LIMK1: variants seen among roughly 807,000 people sequenced by gnomAD.
LIMK1 encodes LIM domain kinase 1.
A neutral mutation model predicts 77.6 loss-of-function variants in LIMK1; 21 were observed. That is an observed-to-expected ratio of 0.27 (90% CI 0.19 to 0.39). LIMK1 has a LOEUF of 0.39. Among genes scored for constraint, LIMK1 ranks in the 10% least tolerant of loss-of-function variants. The probability of loss-of-function intolerance (pLI) is 1.00; values close to 1 mark genes in which losing one functional copy is unlikely to be tolerated. For missense variants in LIMK1, 696 were observed against 901.6 expected, an observed-to-expected ratio of 0.77 and a Z score of 2.92; for synonymous variants, 358 against 370.0, an observed-to-expected ratio of 0.97 and a Z score of 0.37.
chr7:74,091,251 T>C (rs1799228823), intron 2 of LIMK1, among the ~76,000 whole-genome samples: 1 of 151,498 alleles, frequency 6.6e-6, no homozygotes, highest in African/African-American at 2.4e-5. Flanking sequence ...AGGCCAAGGC[T>C]GGTAACTCAC....
Position 74,096,840 on chromosome 7 carries a change from A to G in LIMK1, c.291+80A>G, listed in dbSNP as rs530426233. ...CCATGCTCCAGGTCTCTCTCCCATC[A>G]TTGTCTCTCCTGGTCTCCTTTTTGC... is the stretch of plus-strand genomic sequence containing the variant. On this transcript the variant is annotated intron_variant, in intron 3 of 15. Coordinates refer to ENST00000336180, the MANE Select transcript of LIMK1 (RefSeq NM_002314.4). 52 of 1,491,050 alleles carry G rather than the reference A, an allele frequency of 3.5e-5. 1 individual carries two copies. The East Asian group carries it at 9.6e-4, about 28-fold the overall frequency. 92.4% of individuals were successfully genotyped at this position (1,491,050 alleles called of 1,614,324 possible).
intron 12 of LIMK1, among the ~76,000 whole-genome samples, chr7:74,113,519 G>A (rs1554698931): frequency 6.6e-6 from 1 of 152,040 alleles, no homozygotes; most frequent in African/African-American, 2.4e-5. Context: ...CAGCTACTCG[G>A]GAGGCTGAGG....
At chr7:74,098,150 T>G (rs1353087260) in intron 4 of LIMK1, among the ~76,000 whole-genome samples, 1 of 152,190 alleles carries the variant, frequency 6.6e-6, no homozygotes, top group African/African-American at 2.4e-5. Flanking sequence ...TAGCCCCCGT[T>G]CTTGGAGGTC....
chr7:74,090,929 T>C (rs1393102345), intron 2 of LIMK1, among the ~76,000 whole-genome samples: 2 of 151,548 alleles, frequency 1.3e-5, no homozygotes, highest in African/African-American at 2.4e-5. Context: ...TTAAAGCGAT[T>C]TTTTTTTTGA....
intron 3 of LIMK1, 106 bp from the exon 4 acceptor site, chr7:74,096,974 C>G (rs879980567): frequency 9.4e-5 from 101 of 1,072,886 alleles, no homozygotes; most frequent in Non-Finnish European, 1.3e-4. Context: ...AGCCGGGTCC[C>G]TGCAGTTGTT....
chr7:74,102,330 A>G (rs565628373), intron 5 of LIMK1, among the ~76,000 whole-genome samples: 2 of 151,906 alleles, frequency 1.3e-5, no homozygotes, highest in African/African-American at 4.8e-5. Context: ...CTATATATAC[A>G]TATATGGATA....
rs1005961859 is a variant in LIMK1, at chr7:74,111,528, G to A, written c.1285-120G>A. 4.0e-5 allele frequency: 30 copies of A among 753,686 alleles called. No homozygotes were observed. The East Asian group carries it at 6.4e-4, about 16-fold the overall frequency. The allele number at this position is 753,686 out of a possible 1,614,324, so 46.7% of individuals were successfully genotyped here. ...GTTGTGGGTGCCCGAAGAAATCGGG[G>A]TGTTGGGGAGCCCAGGGACCCTCTA... is the stretch of plus-strand genomic sequence containing the variant. On this transcript the variant is annotated intron_variant, in intron 10 of 15. Coordinates refer to ENST00000336180, the MANE Select transcript of LIMK1 (RefSeq NM_002314.4).
At chr7:74,100,011 A>G (rs1799422969) in intron 5 of LIMK1, among the ~76,000 whole-genome samples, 1 of 152,100 alleles carries the variant, frequency 6.6e-6, no homozygotes, top group South Asian at 2.1e-4. Flanking sequence ...CACTGAACAC[A>G]TAAAGGCTGG....
At chr7:74,093,310 A>G in intron 2 of LIMK1, 1 of 1,535,814 alleles carries the variant, frequency 6.5e-7, no homozygotes, top group Non-Finnish European at 8.7e-7. Context: ...GTAAGTGGGA[A>G]TCCCCCTCCC....
Position 74,105,985 on chromosome 7 carries a change from G to T in LIMK1, c.714+5G>T, listed in dbSNP as rs782773168. 1 of 1,613,798 alleles carries T rather than the reference G, an allele frequency of 6.2e-7. No individual in the cohort carries two copies. The highest frequency in any genetic ancestry group is 8.5e-7 in the Non-Finnish European group (1 of 1,179,700). ...CGAAATGTGCCCCTGGACGAGGTAC[G>T]GTCCTGAGTCTGTGGGGCAGGACGG... On this transcript the variant is annotated splice_donor_5th_base_variant and intron_variant, in intron 6 of 15. Transcript: ENST00000336180.
At chr7:74,103,149 T>C (rs1799502507) in intron 5 of LIMK1, among the ~76,000 whole-genome samples, 1 of 152,148 alleles carries the variant, frequency 6.6e-6, no homozygotes, top group Non-Finnish European at 1.5e-5. Context: ...TTTACAGGCA[T>C]GAGCCACTGC....
intron 10 of LIMK1, 130 bp downstream of exon 10, chr7:74,109,166 T>C: frequency 2.7e-6 from 2 of 737,572 alleles, no homozygotes; most frequent in South Asian, 1.5e-5. Context: ...TGAACCCTGA[T>C]TCCTAATCAA....
chr7:74,118,681 C>T (rs1378693061), intron 13 of LIMK1, among the ~76,000 whole-genome samples: 1 of 151,752 alleles, frequency 6.6e-6, no homozygotes, highest in Non-Finnish European at 1.5e-5. Context: ...ACCCAGGAGG[C>T]AGAGGCAGGA....
chr7:74,116,497 C>T (rs1041546365), intron 13 of LIMK1, among the ~76,000 whole-genome samples: 12 of 152,060 alleles, frequency 7.9e-5, no homozygotes, highest in African/African-American at 4.8e-5. Context: ...TCAGCCTCAC[C>T]GGGCTGAAAT....
At position 74,121,340 on chromosome 7, in the gene LIMK1, G is replaced by A. The variant is rs1225636229; in HGVS notation, c.*39G>A. ...AGCTGCCCCTGTCCCCACCTCTGGA[G>A]AATCCACCCCCACCAGATTCCTCCG... is the stretch of plus-strand genomic sequence containing the variant. On this transcript the variant is annotated 3_prime_UTR_variant, in exon 16 of 16. Transcript: ENST00000336180. 3 of 1,512,830 alleles carry A rather than the reference G, an allele frequency of 2.0e-6. No individual in the cohort carries two copies. The highest frequency in any genetic ancestry group is 2.7e-6 in the Non-Finnish European group (3 of 1,129,284). 93.7% of individuals were successfully genotyped at this position (1,512,830 alleles called of 1,614,324 possible).
rs1366426624 is a variant in LIMK1 at position 74,107,927 on chromosome 7, C to T, written c.1122C>T (p.Asp374=). The T allele has an allele frequency of 4.4e-6, 7 of 1,575,502 alleles. No individual in the cohort carries two copies. The African/African-American group carries it at 5.4e-5, about 12-fold the overall frequency. ...VMVMKELIRF[D]EETQRTFLKE... is the part of the protein sequence containing the mutation. The stretch of plus-strand genomic sequence containing the variant: ...TGATGAAGGAGCTGATCCGGTTCGA[C>T]GAGGAGACCCAGAGGACGTTCCTCA... The change falls in exon 9 of 16, where the codon GAC becomes GAT. Residue 374 remains aspartate (D), a synonymous_variant. Transcript: ENST00000336180.
Position 74,109,024 on chromosome 7 carries a change from CAT to C in LIMK1, c.1273_1274del (p.Ile425GlnfsTer53). 1 of 1,613,266 alleles carries C rather than the reference CAT, an allele frequency of 6.2e-7. No homozygotes were observed. The highest frequency in any genetic ancestry group is 8.5e-7 in the Non-Finnish European group (1 of 1,179,608). On this transcript the variant is annotated frameshift_variant, in exon 10 of 16. Transcript: ENST00000336180. LOFTEE classifies it high-confidence loss of function. ...TCAAGGGCGGCACGCTCCGGGGCAT[CAT>C]CAAGAGCATGGTGAGTCCTGGGCAG... ...YIKGGTLRGI[I>X]KSMDSQYPWS...
chr7:74,093,087 T>C (rs1799268348), intron 2 of LIMK1: 6 of 1,400,618 alleles, frequency 4.3e-6, no homozygotes, highest in Non-Finnish European at 4.6e-6. Context: ...CCAAGTCCCC[T>C]GGCACCCACG....
intron 2 of LIMK1, among the ~76,000 whole-genome samples, chr7:74,096,118 C>T (rs972364761): frequency 2.0e-5 from 3 of 151,872 alleles, no homozygotes; most frequent in Non-Finnish European, 4.4e-5. Context: ...GTGCCCACCA[C>T]CATGCCTGGC....
Sources: allele counts gnomAD v4.1 joint callset (sites outside exome capture counted in the v4.1 genomes callset), GRCh38; gene constraint gnomAD v4.1.1; transcripts MANE v1.5; gene names NCBI Gene and HGNC (gene_info 2026-07-23, HGNC 2026-07-21).